F13A1: variants seen among roughly 807,000 people sequenced by gnomAD.
F13A1 encodes the protein FSF, A subunit.
Under a neutral mutation model 80.1 loss-of-function variants are expected in F13A1, and 47 were observed. The ratio of observed to expected loss-of-function variants is 0.59; its 90% CI spans 0.46 to 0.75. The LOEUF is 0.75. Ranked by LOEUF, F13A1 falls within the 30% of genes least tolerant of loss-of-function variation. The pLI, the probability that F13A1 is intolerant of heterozygous loss-of-function variation, is 0.00. For synonymous variants in F13A1, 349 were observed against 344.9 expected, an observed-to-expected ratio of 1.01 and a Z score of -0.13; for missense variants, 817 against 930.4, an observed-to-expected ratio of 0.88 and a Z score of 1.59.
intron 12 of F13A1, among the ~76,000 whole-genome samples, chr6:6,171,194 C>T (rs1464981106): frequency 6.6e-6 from 1 of 152,184 alleles, no homozygotes; most frequent in East Asian, 1.9e-4. Flanking sequence ...GTAATGGGAG[C>T]ACAAGGAAGG....
At chr6:6,155,985 T>C (rs1760469441) in intron 13 of F13A1, among the ~76,000 whole-genome samples, 1 of 152,198 alleles carries the variant, frequency 6.6e-6, no homozygotes, top group Admixed American at 6.5e-5. Context: ...CTTCAGGCAA[T>C]TTAGAGAAGG....
chr6:6,302,004 C>T (rs987368310), intron 3 of F13A1, among the ~76,000 whole-genome samples: 29 of 152,208 alleles, frequency 1.9e-4, no homozygotes, highest in African/African-American at 6.5e-4. Flanking sequence ...GAGATCTCCC[C>T]AGTAAACTTT....
intron 6 of F13A1, among the ~76,000 whole-genome samples, chr6:6,230,123 G>A (rs911961701): frequency 3.9e-5 from 6 of 152,154 alleles, no homozygotes; most frequent in Non-Finnish European, 7.4e-5. Context: ...GTGCAAATCC[G>A]GTGTGCAGAC....
intron 4 of F13A1, among the ~76,000 whole-genome samples, chr6:6,263,735 A>G (rs1476483575): frequency 6.6e-6 from 1 of 152,184 alleles, no homozygotes; most frequent in Non-Finnish European, 1.5e-5. Context: ...CAGTTTTCCC[A>G]GCTCTGAAAA....
Position 6,150,748 on chromosome 6 carries a change from G to T in F13A1, c.2045+1065C>A, listed in dbSNP as rs374143779. ...GTGCTAGATTGATTGATGCTGACAAGGACTTATTTGTGGTAGAAATGAAAG... is the reference window on the plus strand; with the variant it reads ...GTGCTAGATTGATTGATGCTGACAATGACTTATTTGTGGTAGAAATGAAAG... On this transcript the variant is annotated intron_variant, in intron 14 of 14. Transcript: ENST00000264870. Among the ~76,000 whole-genome samples, 8 of 152,228 alleles carry T rather than the reference G, an allele frequency of 5.3e-5. No homozygotes were observed. The East Asian group carries it at 1.2e-3, about 22-fold the overall frequency.
At chr6:6,147,731 A>C (rs1257082567) in intron 14 of F13A1, among the ~76,000 whole-genome samples, 1 of 152,246 alleles carries the variant, frequency 6.6e-6, no homozygotes, top group African/African-American at 2.4e-5. Context: ...TCTTACTCAT[A>C]AAACCATCCG....
At chr6:6,249,092 G>C (rs1333417578) in intron 5 of F13A1, among the ~76,000 whole-genome samples, 6 of 152,152 alleles carry the variant, frequency 3.9e-5, no homozygotes, top group African/African-American at 1.4e-4. Context: ...TTCTTAAAAA[G>C]GAATAAAGAT....
intron 13 of F13A1, among the ~76,000 whole-genome samples, chr6:6,166,679 G>A (rs1760679834): frequency 6.6e-6 from 1 of 152,168 alleles, no homozygotes; most frequent in Non-Finnish European, 1.5e-5. Context: ...CTACAGCTGT[G>A]GGCCTGAGAA....
At chr6:6,265,665 CTACATCTT>C (rs1009783387) in intron 4 of F13A1, among the ~76,000 whole-genome samples, 6 of 152,190 alleles carry the variant, frequency 3.9e-5, no homozygotes, top group African/African-American at 1.4e-4. Context: ...TAAAGTACAG[CTACATCTT>C]TGCACATCCA....
At chr6:6,182,177 C>T (rs763110304) in intron 10 of F13A1, 36 bp from the exon 11 acceptor site, 29 of 1,612,388 alleles carry the variant, frequency 1.8e-5, no homozygotes, top group East Asian at 1.8e-4. Flanking sequence ...GCCATCATCA[C>T]ATGTCTGCTG....
intron 13 of F13A1, among the ~76,000 whole-genome samples, chr6:6,154,126 T>A: frequency 8.0e-6 from 1 of 124,370 alleles, no homozygotes; most frequent in Admixed American, 8.8e-5. Flanking sequence ...CAACCAAAAC[T>A]GTTTCGTACT....
intron 13 of F13A1, among the ~76,000 whole-genome samples, chr6:6,161,551 T>TGTGTGTGTGTGTGTGTGTGTGTGTGA (rs1010361754): frequency 9.6e-5 from 14 of 146,378 alleles, no homozygotes; most frequent in African/African-American, 2.8e-4. Flanking sequence ...TGTGTGTGTG[T>TGTGTGTGTGTGTGTGTGTGTGTGTGA]GAGAGAGAGA....
intron 4 of F13A1, among the ~76,000 whole-genome samples, chr6:6,265,449 G>A (rs1033225462): frequency 1.3e-5 from 2 of 152,142 alleles, no homozygotes; most frequent in East Asian, 1.9e-4. Flanking sequence ...AAACAGCTTC[G>A]TACAAAGTGT....
At chr6:6,193,324 G>A (rs1761234429) in intron 10 of F13A1, among the ~76,000 whole-genome samples, 2 of 152,264 alleles carry the variant, frequency 1.3e-5, no homozygotes, top group South Asian at 2.1e-4. Flanking sequence ...CTGGAAATGA[G>A]TAAGGAATGA....
At chr6:6,227,531 T>A (rs1288511978) in intron 6 of F13A1, among the ~76,000 whole-genome samples, 1 of 152,238 alleles carries the variant, frequency 6.6e-6, no homozygotes, top group Non-Finnish European at 1.5e-5. Context: ...GCAGTTGGAT[T>A]GATTATTTAA....
chr6:6,311,428 A>C (rs1758590708), intron 2 of F13A1, among the ~76,000 whole-genome samples: 1 of 151,882 alleles, frequency 6.6e-6, no homozygotes, highest in East Asian at 1.9e-4. Context: ...TCACATTGGA[A>C]TAAAATACTG....
In F13A1 at chr6:6,206,389, A is replaced by G. The variant is rs373470140; in HGVS notation, c.1113-9063T>C. 1.0e-4 allele frequency: 45 copies of G among 449,544 alleles called. No homozygotes were observed. In the East Asian group the frequency reaches 3.1e-3, roughly 31 times the overall value. The allele number at this position is 449,544 out of a possible 1,614,324, so 27.8% of individuals were successfully genotyped here. A position where few individuals can be genotyped will look rare whatever the true frequency, so the allele number is the denominator to read the frequency against. The stretch of plus-strand genomic sequence containing the variant: ...GGCAAAAATTATGATTAACCAGAAC[A>G]TGATTCCATTGCCATATGGAGTGTT... On this transcript the variant is annotated intron_variant, in intron 8 of 14. Coordinates refer to ENST00000264870, the MANE Select transcript of F13A1 (RefSeq NM_000129.4).
Position 6,222,165 on chromosome 6 carries a change from C to T in F13A1, c.980G>A (p.Arg327Gln), listed in dbSNP as rs121913072. ...AATTCTTGCTGGTATTCCAAGGCAT[C>T]GTAAAACTACAGGAAAGGACAGACC... ...VFAGVFNTFL[R>Q]CLGIPARIVT... Residue 327 changes from arginine (R) to glutamine (Q), a missense_variant, in exon 8 of 15, where the codon CGA becomes CAA. Arg to Gln is a conservative substitution (Grantham distance 43). Coordinates refer to ENST00000264870, the MANE Select transcript of F13A1 (RefSeq NM_000129.4). 8.1e-6 allele frequency: 13 copies of T among 1,613,800 alleles called. No homozygotes were observed. The highest frequency in any genetic ancestry group is 2.7e-5 in the African/African-American group (2 of 74,906).
chr6:6,293,105 G>A (rs916232604), intron 3 of F13A1, among the ~76,000 whole-genome samples: 1 of 152,160 alleles, frequency 6.6e-6, no homozygotes, highest in Non-Finnish European at 1.5e-5. Flanking sequence ...TGAGGGAAAG[G>A]TCAGGAGAAT....
Sources: allele counts gnomAD v4.1 joint callset (sites outside exome capture counted in the v4.1 genomes callset), GRCh38; gene constraint gnomAD v4.1.1; transcripts MANE v1.5; gene names NCBI Gene and HGNC (gene_info 2026-07-23, HGNC 2026-07-21).